ASTN1: variants seen among roughly 807,000 people sequenced by gnomAD.
ASTN1 encodes astrotactin 1.
A neutral mutation model predicts 140.7 loss-of-function variants in ASTN1; 41 were observed. The observed-to-expected ratio is 0.29, with a 90% CI of 0.23 to 0.38. The LOEUF is 0.38. ASTN1 is among the 10% of genes least tolerant of loss of function. The pLI, the probability that ASTN1 is intolerant of heterozygous loss-of-function variation, is 1.00. For synonymous variants in ASTN1, 640 were observed against 652.2 expected (o/e 0.98, Z 0.29); for missense variants, 1,479 against 1,678.8 (o/e 0.88, Z 2.08).
intron 1 of ASTN1, among the ~76,000 whole-genome samples, chr1:177,105,391 T>G (rs566577264): frequency 6.6e-6 from 1 of 152,220 alleles, no homozygotes; most frequent in South Asian, 2.1e-4. Flanking sequence ...AAATCATGGA[T>G]TTCCCTCACC....
intron 14 of ASTN1, among the ~76,000 whole-genome samples, chr1:176,941,769 T>C (rs1671723118): frequency 6.6e-6 from 1 of 152,236 alleles, no homozygotes; most frequent in Non-Finnish European, 1.5e-5. Flanking sequence ...CCTGCAGATC[T>C]TTAAACAGAG....
At chr1:176,925,526 C>T (rs1046603137) in intron 16 of ASTN1, among the ~76,000 whole-genome samples, 1 of 152,146 alleles carries the variant, frequency 6.6e-6, no homozygotes, top group Non-Finnish European at 1.5e-5. Context: ...GAGACAAAAA[C>T]TATTCCAACA....
At chr1:176,859,485 T>C (rs1405286814), downstream of ASTN1, among the ~76,000 whole-genome samples, 2 of 152,156 alleles carry the variant, frequency 1.3e-5, no homozygotes, top group Non-Finnish European at 2.9e-5. Context: ...CTGGATTATT[T>C]TTATTTAAAA....
At position 177,116,987 on chromosome 1, in the gene ASTN1, T is replaced by A. The variant is rs76737927; in HGVS notation, c.283+47407A>T. 3.3e-3 allele frequency among the ~76,000 whole-genome samples: 496 copies of A among 152,236 alleles called. 3 individuals carry two copies. The highest frequency in any genetic ancestry group is 0.01 in the African/African-American group (430 of 41,540). ...TCCTAATGACTCCCACCTTCATAAC[T>A]CTAGTTGCATGTCTCACACTGAGCT... On this transcript the variant is annotated intron_variant, in intron 1 of 22. Transcript: ENST00000361833.
At chr1:177,093,791 T>A (rs1313513771) in intron 1 of ASTN1, among the ~76,000 whole-genome samples, 1 of 152,212 alleles carries the variant, frequency 6.6e-6, no homozygotes, top group Non-Finnish European at 1.5e-5. Context: ...CATTTCCCAT[T>A]GATTAATGAT....
intron 1 of ASTN1, among the ~76,000 whole-genome samples, chr1:177,088,612 C>T (rs182737326): frequency 2.4e-4 from 37 of 152,210 alleles, no homozygotes; most frequent in African/African-American, 7.9e-4. Context: ...ATCCTACCCT[C>T]TTTTGATAGA....
At chr1:177,096,713 A>T (rs35331750) in intron 1 of ASTN1, among the ~76,000 whole-genome samples, 9,114 of 152,196 alleles carry the variant, frequency 0.06, 356 homozygotes, top group Non-Finnish European at 0.089. Context: ...GCCTGCTGCC[A>T]TGTAAGACGT....
intron 1 of ASTN1, among the ~76,000 whole-genome samples, chr1:177,126,737 CATT>C (rs889037141): frequency 6.6e-6 from 1 of 152,180 alleles, no homozygotes; most frequent in East Asian, 1.9e-4. Flanking sequence ...CATCACTTCT[CATT>C]ATTTCCTTGC....
At chr1:176,936,859 G>C (rs1557973325) in intron 14 of ASTN1, among the ~76,000 whole-genome samples, 1 of 152,192 alleles carries the variant, frequency 6.6e-6, no homozygotes, top group Non-Finnish European at 1.5e-5. Context: ...ATTTCTACCA[G>C]CTGTATGGTT....
chr1:176,974,858 T>G (rs1275630393), intron 8 of ASTN1, among the ~76,000 whole-genome samples: 1 of 152,200 alleles, frequency 6.6e-6, no homozygotes, highest in Non-Finnish European at 1.5e-5. Flanking sequence ...GTGTTCACAC[T>G]TGAACTTTTT....
intron 8 of ASTN1, among the ~76,000 whole-genome samples, chr1:176,985,732 C>G (rs1673859960): frequency 6.6e-6 from 1 of 152,044 alleles, no homozygotes; most frequent in Admixed American, 6.6e-5. Flanking sequence ...CCATCCTGTC[C>G]TTCTGAGGTA....
intron 2 of ASTN1, among the ~76,000 whole-genome samples, chr1:177,044,311 C>T (rs1677114207): frequency 6.7e-6 from 1 of 148,264 alleles, no homozygotes; most frequent in African/African-American, 2.5e-5. Context: ...GGCTTCCTCT[C>T]TTGTACTGGC....
At chr1:176,975,715 C>T (rs1673335334) in intron 8 of ASTN1, among the ~76,000 whole-genome samples, 1 of 152,214 alleles carries the variant, frequency 6.6e-6, no homozygotes, top group African/African-American at 2.4e-5. Flanking sequence ...ACCATGGCAT[C>T]TCTCATAAGC....
chr1:177,158,242 G>A (rs1683324654), intron 1 of ASTN1, among the ~76,000 whole-genome samples: 2 of 151,958 alleles, frequency 1.3e-5, no homozygotes, highest in East Asian at 3.9e-4. Context: ...AAATACTTTG[G>A]GTTTTTTATT....
intron 1 of ASTN1, among the ~76,000 whole-genome samples, chr1:177,062,640 T>G (rs149058039): frequency 6.6e-6 from 1 of 152,196 alleles, no homozygotes; most frequent in East Asian, 1.9e-4. Flanking sequence ...AAAAGAGATT[T>G]AATAAGACAC....
intron 6 of ASTN1, among the ~76,000 whole-genome samples, chr1:177,023,974 T>C (rs1055462950): frequency 6.6e-6 from 1 of 152,182 alleles, no homozygotes; most frequent in African/African-American, 2.4e-5. Context: ...GCAGGCCCTC[T>C]AACACTGCGT....
At chr1:176,860,787 C>T (rs572629048), downstream of ASTN1, among the ~76,000 whole-genome samples, 61 of 152,264 alleles carry the variant, frequency 4.0e-4, no homozygotes, top group African/African-American at 1.3e-3. Context: ...CTGCATCATT[C>T]GTAGTGTCTA....
intron 16 of ASTN1, among the ~76,000 whole-genome samples, chr1:176,915,228 A>C (rs1366838667): frequency 6.6e-6 from 1 of 152,198 alleles, no homozygotes; most frequent in Non-Finnish European, 1.5e-5. Flanking sequence ...CCTAATAGTT[A>C]CATTACTGAG....
chr1:177,039,923 A>T (rs546340716), intron 2 of ASTN1, among the ~76,000 whole-genome samples: 1 of 152,306 alleles, frequency 6.6e-6, no homozygotes, highest in South Asian at 2.1e-4. Context: ...CAGTTAGCCA[A>T]TGATCTCCTC....
Sources: gnomAD v4.1 joint callset for allele counts (sites outside exome capture counted in the v4.1 genomes callset) on GRCh38, gnomAD v4.1.1 for gene constraint, MANE v1.5 for transcripts, NCBI Gene and HGNC (gene_info 2026-07-23, HGNC 2026-07-21) for gene names.